Variants in RPS27A observed in about 807,000 individuals in gnomAD.
RPS27A encodes the protein ribosomal protein S27a, also known as ubiquitin-ribosomal protein eS31 fusion protein.
RPS27A carries 1 observed loss-of-function variant against 18.9 expected under a neutral mutation model. That is an observed-to-expected ratio of 0.05 (90% confidence interval 0.02 to 0.25). The LOEUF (loss-of-function observed/expected upper bound fraction) is 0.25, where lower values mean the gene tolerates loss of function less well. Ranked by LOEUF, RPS27A falls within the 10% of genes least tolerant of loss-of-function variation. The pLI is 1.00. For missense variants in RPS27A, 123 were observed against 187.4 expected (o/e 0.66, Z 2.01); for synonymous variants, 77 against 63.7 (o/e 1.21, Z -0.99).
Position 55,234,619 on chromosome 2 carries a change from G to C in RPS27A, c.190-212G>C, listed in dbSNP as rs1343994590. 1.1e-5 allele frequency: 7 copies of C among 608,986 alleles called. No homozygotes were observed. The East Asian group carries it at 1.4e-4, about 13-fold the overall frequency. 37.7% of individuals were successfully genotyped at this position (608,986 alleles called of 1,614,324 possible). ...CTATAGTTCTCCCATTATGAATTTT[G>C]CAAGTTGTATCCCATGGTGTAATGT... On this transcript the variant is annotated intron_variant, in intron 4 of 5. Coordinates refer to ENST00000272317, the MANE Select transcript of RPS27A (RefSeq NM_002954.6).
rs563751402 is a variant in RPS27A, at chr2:55,232,924, T to A, written c.48+52T>A. Reference sequence around the variant, plus strand: ...CCAAGGTCCGAATAAGGTCCTGAGGTGGATTTTAGGACCGGCGCTGCTTTC... The same window carrying A: ...CCAAGGTCCGAATAAGGTCCTGAGGAGGATTTTAGGACCGGCGCTGCTTTC... On this transcript the variant is annotated intron_variant, in intron 2 of 5. Coordinates refer to ENST00000272317, the MANE Select transcript of RPS27A (RefSeq NM_002954.6). 87 of 1,441,826 alleles carry A rather than the reference T, an allele frequency of 6.0e-5. No homozygotes were observed. In the African/African-American group the frequency reaches 9.0e-4, roughly 15 times the overall value. 89.3% of individuals were successfully genotyped at this position (1,441,826 alleles called of 1,614,324 possible).
rs1408133462 is a variant in RPS27A at position 55,233,411 on chromosome 2, A to G, written c.97A>G (p.Lys33Glu). ...IENVKAKIQD[K>E]EGIPPDQQRL... ...AAATGTAAAGGCCAAGATCCAGGAT[A>G]AGGAAGGCAAGTAGTATTTTGTAGT... Residue 33 changes from lysine (K) to glutamate (E), a missense_variant, in exon 3 of 6, where the codon AAG (lysine) becomes GAG (glutamate). Physicochemically the swap from Lys to Glu is moderately conservative, Grantham distance 56 (BLOSUM62 1). Around this residue, in one of 2 missense-constraint regions of RPS27A, gnomAD observed 66 missense variants for 72.6 expected, o/e 0.91. Coordinates refer to ENST00000272317, the MANE Select transcript of RPS27A (RefSeq NM_002954.6). 1.9e-6 allele frequency: 3 copies of G among 1,612,382 alleles called. No individual in the cohort carries two copies. Among genetic ancestry groups the G allele is most frequent in the Non-Finnish European group, 2.5e-6 (3 of 1,178,564 alleles).
At chr2:55,232,587 T>C (rs956968515), upstream of RPS27A, 15 of 589,472 alleles carry the variant, frequency 2.5e-5, no homozygotes, top group African/African-American at 1.7e-4. Context: ...CCGGGTTGGA[T>C]TGTCGCTGGG....
intron 3 of RPS27A, chr2:55,233,659 C>T: frequency 5.6e-6 from 3 of 537,640 alleles, no homozygotes; most frequent in Non-Finnish European, 1.0e-5. Flanking sequence ...GAGATGGAGT[C>T]TCCTCTGTCG....
rs762207687 is a variant in RPS27A at position 55,234,943 on chromosome 2, C to T, written c.302C>T (p.Ala101Val). The T allele has an allele frequency of 1.2e-6, 2 of 1,613,126 alleles. No homozygotes were observed. The highest frequency in any genetic ancestry group is 1.7e-4 in the Middle Eastern group (1 of 6,054). ...NKHKRKKVKLAVLKYYKVDEN... is the reference protein window; with the variant it reads ...NKHKRKKVKLVVLKYYKVDEN... The stretch of plus-strand genomic sequence containing the variant: ...CACAAGAGAAAGAAGGTTAAGCTGG[C>T]TGTCCTGAAATATTATAAGGTGAGC... Residue 101 changes from alanine to valine, a missense_variant, in exon 5 of 6, where the codon GCT becomes GTT. This residue lies in a region of RPS27A where 57 missense variants were observed against 114.8 expected (regional missense o/e 0.50). Transcript: ENST00000272317.
At position 55,232,728 on chromosome 2, in the gene RPS27A, C is replaced by T. The variant is rs1558535644; in HGVS notation, c.-18+20C>T. The T allele has an allele frequency of 4.5e-6, 5 of 1,115,942 alleles. No individual in the cohort carries two copies. Among genetic ancestry groups the T allele is most frequent in the Non-Finnish European group, 6.7e-6 (5 of 746,998 alleles). 69.1% of individuals were successfully genotyped at this position (1,115,942 alleles called of 1,614,324 possible). A position where few individuals can be genotyped will look rare whatever the true frequency, so the allele number is the denominator to read the frequency against. ...TCTGCGGTGGGTGTCTGCACTTCGG[C>T]TGCTCTCGGGTTAGCACCCTATGGT... On this transcript the variant is annotated intron_variant, in intron 1 of 5. Transcript: ENST00000272317.
chr2:55,232,336 A>C (rs1446985195), upstream of RPS27A: 1 of 241,318 alleles, frequency 4.1e-6, no homozygotes, highest in Non-Finnish European at 8.4e-6. Context: ...CCAAGGTAGA[A>C]GAAAGCAGTG....
chr2:55,234,006 G>C, intron 3 of RPS27A, 113 bp from the exon 4 acceptor site: 2 of 778,920 alleles, frequency 2.6e-6, no homozygotes, highest in East Asian at 2.5e-5. Flanking sequence ...TCTAGTAAGG[G>C]CTTATTGTCA....
chr2:55,234,270 C>A, intron 4 of RPS27A, 66 bp downstream of exon 4: 1 of 1,213,062 alleles, frequency 8.2e-7, no homozygotes. Flanking sequence ...TTTTATTTTA[C>A]TTTTTTTGAG....
At chr2:55,234,007 C>T (rs749347451) in intron 3 of RPS27A, 112 bp from the exon 4 acceptor site, 4 of 782,354 alleles carry the variant, frequency 5.1e-6, no homozygotes, top group Admixed American at 1.8e-5. Context: ...CTAGTAAGGG[C>T]TTATTGTCAG....
intron 5 of RPS27A, 140 bp downstream of exon 5, chr2:55,235,102 T>C: frequency 1.1e-6 from 1 of 950,690 alleles, no homozygotes; most frequent in Non-Finnish European, 1.6e-6. Flanking sequence ...ATTCTGGAAA[T>C]GAGAAATTCA....
upstream of RPS27A, chr2:55,232,574 G>A (rs919736593): frequency 1.7e-6 from 1 of 578,172 alleles, no homozygotes; most frequent in Non-Finnish European, 3.1e-6. Context: ...TCCTAGTCTG[G>A]CACCGGGTTG....
intron 3 of RPS27A, chr2:55,233,887 C>A: frequency 1.7e-6 from 1 of 588,216 alleles, no homozygotes; most frequent in South Asian, 2.0e-5. Flanking sequence ...ACCTCGACCT[C>A]CCAAAGTATT....
upstream of RPS27A, chr2:55,232,676 G>A: frequency 1.3e-6 from 1 of 761,368 alleles, no homozygotes; most frequent in Non-Finnish European, 2.3e-6. Flanking sequence ...GTGGGCCTGC[G>A]CGGCGTTCTT....
At position 55,232,844 on chromosome 2, in the gene RPS27A, C is replaced by T; in HGVS notation, c.20C>T (p.Thr7Ile). The T allele has an allele frequency of 1.9e-6, 3 of 1,613,328 alleles. No individual in the cohort carries two copies. Among genetic ancestry groups the T allele is most frequent in the Non-Finnish European group, 2.5e-6 (3 of 1,179,776 alleles). Reference protein sequence around the residue: MQIFVKTLTGKTITLEV... With the variant: MQIFVKILTGKTITLEV... ...ACCAAAATGCAGATTTTCGTGAAAA[C>T]CCTTACGGGGAAGACCATCACCCTC... The change falls in exon 2 of 6, where the codon ACC becomes ATC. Residue 7 changes from threonine to isoleucine, a missense_variant. By Grantham distance (89) the Thr-to-Ile change is moderately conservative (BLOSUM62 -1). Coordinates refer to ENST00000272317, the MANE Select transcript of RPS27A (RefSeq NM_002954.6).
chr2:55,233,339 A>G (rs1236090498), intron 2 of RPS27A, 24 bp from the exon 3 acceptor site: 1 of 1,591,910 alleles, frequency 6.3e-7, no homozygotes, highest in Admixed American at 1.7e-5. Context: ...TGTAACCAAC[A>G]TGCTTTCACT....
Position 55,234,843 on chromosome 2 carries a change from C to A in RPS27A, c.202C>A (p.His68Asn). ...DYNIQKESTL[H>N]LVLRLRGGAK... ...CTTCCATTAACAGGAGTCTACTCTTCATCTTGTGTTGAGACTTCGTGGTGG... is the reference window on the plus strand; with the variant it reads ...CTTCCATTAACAGGAGTCTACTCTTAATCTTGTGTTGAGACTTCGTGGTGG... Residue 68 changes from histidine (H) to asparagine (N), a missense_variant, in exon 5 of 6, where the codon CAT (histidine) becomes AAT (asparagine). By Grantham distance (68) the His-to-Asn change is moderately conservative (BLOSUM62 1). Around this residue, in one of 2 missense-constraint regions of RPS27A, gnomAD observed 57 missense variants for 114.8 expected, o/e 0.50. Transcript: ENST00000272317. 6.2e-7 allele frequency: 1 copy of A among 1,612,314 alleles called. No homozygotes were observed. Among genetic ancestry groups the A allele is most frequent in the Non-Finnish European group, 8.5e-7 (1 of 1,179,978 alleles).
At chr2:55,235,391 T>C (rs770121579) in intron 5 of RPS27A, 37 bp from the exon 6 acceptor site, 39 of 1,609,958 alleles carry the variant, frequency 2.4e-5, no homozygotes, top group Non-Finnish European at 3.3e-5. Context: ...CAGAATGTGT[T>C]GTAAAATTAT....
At chr2:55,234,662 C>T (rs1454631652) in intron 4 of RPS27A, 169 bp from the exon 5 acceptor site, 3 of 735,892 alleles carry the variant, frequency 4.1e-6, no homozygotes, top group Middle Eastern at 7.7e-4. Flanking sequence ...TCTTTAATGT[C>T]CCTATAAACT....
Sources: gnomAD v4.1 joint callset for allele counts on GRCh38, gnomAD v4.1.1 for gene constraint, gnomAD v4.1.1 regional missense constraint, MANE v1.5 for transcripts, NCBI Gene and HGNC (gene_info 2026-07-23, HGNC 2026-07-21) for gene names.